Variants in JAZF1 observed in about 807,000 individuals in gnomAD.
JAZF1 encodes JAZF zinc finger 1, also known as juxtaposed with another zinc finger protein 1.
In JAZF1, 8 loss-of-function variants were observed where a neutral mutation model predicts 26.4. The ratio of observed to expected loss-of-function variants is 0.30; its 90% CI spans 0.18 to 0.55. The LOEUF (loss-of-function observed/expected upper bound fraction) is 0.55, where lower values mean the gene tolerates loss of function less well. JAZF1 is among the 20% of genes least tolerant of loss of function. The pLI, the probability that JAZF1 is intolerant of heterozygous loss-of-function variation, is 0.94. For synonymous variants in JAZF1, 126 were observed against 122.3 expected (o/e 1.03, Z -0.20); for missense variants, 199 against 322.0 (o/e 0.62, Z 2.92).
intron 1 of JAZF1, among the ~76,000 whole-genome samples, chr7:28,056,482 A>T (rs1397653500): frequency 9.9e-5 from 15 of 151,054 alleles, no homozygotes; most frequent in African/African-American, 3.4e-4. Flanking sequence ...ACACAATAAG[A>T]AAGAAATTCT....
intron 4 of JAZF1, among the ~76,000 whole-genome samples, chr7:27,833,967 C>G (rs1387001469): frequency 1.3e-5 from 2 of 152,062 alleles, no homozygotes; most frequent in Admixed American, 1.3e-4. Context: ...TCAGCAATTG[C>G]CAGATTAGAG....
At chr7:28,091,020 G>A (rs991704108) in intron 1 of JAZF1, among the ~76,000 whole-genome samples, 2 of 150,634 alleles carry the variant, frequency 1.3e-5, no homozygotes, top group Non-Finnish European at 3.0e-5. Flanking sequence ...TAGAGACGGG[G>A]TTTCACCTTG....
intron 1 of JAZF1, among the ~76,000 whole-genome samples, chr7:28,087,548 T>A (rs1784230160): frequency 6.6e-6 from 1 of 152,134 alleles, no homozygotes; most frequent in Non-Finnish European, 1.5e-5. Flanking sequence ...CATTCAGAAA[T>A]GTACTGTTGG....
chr7:28,139,566 TG>T (rs1322545661), intron 1 of JAZF1, among the ~76,000 whole-genome samples: 1 of 152,160 alleles, frequency 6.6e-6, no homozygotes, highest in Non-Finnish European at 1.5e-5. Flanking sequence ...GAAAAGGACC[TG>T]GTATCGACCC....
chr7:27,963,757 A>G (rs1341818530), intron 2 of JAZF1, among the ~76,000 whole-genome samples: 5 of 151,846 alleles, frequency 3.3e-5, no homozygotes, highest in Non-Finnish European at 1.5e-5. Context: ...TGGTAGAGGC[A>G]AGGTCTTGCT....
chr7:27,989,960 T>C (rs1051631512), intron 2 of JAZF1, among the ~76,000 whole-genome samples: 5 of 151,672 alleles, frequency 3.3e-5, no homozygotes, highest in Non-Finnish European at 7.4e-5. Context: ...TTATAAATCA[T>C]GCTGCTATAA....
At chr7:27,999,768 A>G (rs1409322784) in intron 1 of JAZF1, among the ~76,000 whole-genome samples, 1 of 152,240 alleles carries the variant, frequency 6.6e-6, no homozygotes, top group Non-Finnish European at 1.5e-5. Context: ...TGCCCTGGAC[A>G]TGCAGTACCA....
intron 1 of JAZF1, among the ~76,000 whole-genome samples, chr7:28,110,734 A>C (rs890880672): frequency 6.6e-6 from 1 of 152,170 alleles, no homozygotes; most frequent in Non-Finnish European, 1.5e-5. Flanking sequence ...TCAGTTACCA[A>C]GGTGTGAATG....
intron 1 of JAZF1, among the ~76,000 whole-genome samples, chr7:28,104,946 C>T (rs1784528134): frequency 6.6e-6 from 1 of 152,158 alleles, no homozygotes; most frequent in Non-Finnish European, 1.5e-5. Flanking sequence ...TTTGCTTAGC[C>T]CTCATGAAAC....
Position 27,898,304 on chromosome 7 carries a change from T to TATATATACAC in JAZF1, c.189-2889_189-2888insGTGTATATAT, listed in dbSNP as rs375859244. On this transcript the variant is annotated intron_variant, in intron 2 of 4. Transcript: ENST00000283928. ...TCTAACTCATATATATATATATATA[T>TATATATACAC]ACATCGGTTTTTTTTTTTTTTTTTT... Among the ~76,000 whole-genome samples, 111 of 128,882 alleles carry TATATATACAC rather than the reference T, an allele frequency of 8.6e-4. 3 individuals carry two copies. The East Asian group carries it at 0.013, about 15-fold the overall frequency. 84.6% of individuals were successfully genotyped at this position (128,882 alleles called of 152,430 possible).
chr7:28,117,288 CCTT>C (rs1784762269), intron 1 of JAZF1, among the ~76,000 whole-genome samples: 1 of 151,766 alleles, frequency 6.6e-6, no homozygotes, highest in Admixed American at 6.6e-5. Context: ...GTTAAAAAGT[CCTT>C]CTTACTTCAA....
chr7:27,891,743 C>A (rs1783979714), intron 3 of JAZF1, among the ~76,000 whole-genome samples: 1 of 152,094 alleles, frequency 6.6e-6, no homozygotes, highest in Admixed American at 6.6e-5. Context: ...GTGAGCTACA[C>A]AGGAGGCTGA....
At chr7:27,885,041 G>C (rs937246571) in intron 3 of JAZF1, among the ~76,000 whole-genome samples, 1 of 152,176 alleles carries the variant, frequency 6.6e-6, no homozygotes, top group East Asian at 1.9e-4. Context: ...GGGAGTTTCA[G>C]AGACACTATA....
chr7:27,873,651 C>T (rs1783622842), intron 3 of JAZF1, among the ~76,000 whole-genome samples: 1 of 152,206 alleles, frequency 6.6e-6, no homozygotes, highest in South Asian at 2.1e-4. Context: ...CCCTTTTAAC[C>T]ATGATAGCGG....
intron 4 of JAZF1, among the ~76,000 whole-genome samples, chr7:27,836,980 C>CT (rs1378505274): frequency 6.6e-6 from 1 of 151,980 alleles, no homozygotes; most frequent in South Asian, 2.1e-4. Flanking sequence ...CTCTCAATAC[C>CT]TTTTTTCCAC....
At chr7:27,888,843 C>A (rs1020483542) in intron 3 of JAZF1, among the ~76,000 whole-genome samples, 1 of 152,134 alleles carries the variant, frequency 6.6e-6, no homozygotes, top group Non-Finnish European at 1.5e-5. Context: ...TTTTCCCCCC[C>A]AGAGTGCGCC....
intron 1 of JAZF1, among the ~76,000 whole-genome samples, chr7:28,091,888 C>T (rs1013003946): frequency 2.5e-4 from 38 of 152,220 alleles, no homozygotes; most frequent in African/African-American, 8.9e-4. Flanking sequence ...TCTACCTTAG[C>T]ATGTCAATAG....
Position 28,130,821 on chromosome 7 carries a change from A to ACTT in JAZF1, c.115+49639_115+49641dup, listed in dbSNP as rs968881077. On this transcript the variant is annotated intron_variant, in intron 1 of 4. Coordinates refer to ENST00000283928, the MANE Select transcript of JAZF1 (RefSeq NM_175061.4). ...TATTGCCCACACACAATATTCCGCA[A>ACTT]CTTCCTGAACACAAGAGATTGGATA... Among the ~76,000 whole-genome samples the ACTT allele has an allele frequency of 2.6e-5, 4 of 152,154 alleles. No individual in the cohort carries two copies. The East Asian group carries it at 5.8e-4, about 22-fold the overall frequency.
intron 3 of JAZF1, among the ~76,000 whole-genome samples, chr7:27,856,786 C>T (rs906903322): frequency 3.3e-5 from 5 of 152,146 alleles, no homozygotes; most frequent in African/African-American, 9.7e-5. Flanking sequence ...CTTAGCTAGA[C>T]ATGAAGGTTC....
Sources: gnomAD v4.1 joint callset for allele counts (sites outside exome capture counted in the v4.1 genomes callset) on GRCh38, gnomAD v4.1.1 for gene constraint, MANE v1.5 for transcripts, NCBI Gene and HGNC (gene_info 2026-07-23, HGNC 2026-07-21) for gene names.